PITPNB: variants seen among roughly 807,000 people sequenced by gnomAD.
PITPNB encodes the protein phosphatidylinositol transfer protein beta, also known as phosphatidylinositol transfer protein beta isoform.
PITPNB carries 16 observed loss-of-function variants against 45.9 expected under a neutral mutation model. The ratio of observed to expected loss-of-function variants is 0.35; its 90% CI spans 0.24 to 0.53. The LOEUF (loss-of-function observed/expected upper bound fraction) is 0.53, where lower values mean the gene tolerates loss of function less well. Among genes scored for constraint, PITPNB ranks in the 20% least tolerant of loss-of-function variants. PITPNB has a pLI of 0.93. For missense variants in PITPNB, 188 were observed against 330.5 expected (o/e 0.57, Z 3.34); for synonymous variants, 112 against 108.9 (o/e 1.03, Z -0.18).
chr22:27,863,478 T>C (rs1934397132), intron 8 of PITPNB, among the ~76,000 whole-genome samples: 1 of 152,206 alleles, frequency 6.6e-6, no homozygotes, highest in African/African-American at 2.4e-5. Flanking sequence ...TTCCCCTGCC[T>C]GTCACCCACC....
At chr22:27,905,745 G>C (rs1935737492) in intron 3 of PITPNB, among the ~76,000 whole-genome samples, 1 of 152,202 alleles carries the variant, frequency 6.6e-6, no homozygotes, top group African/African-American at 2.4e-5. Context: ...TGGCGAAAGT[G>C]TAACACTTAC....
intron 3 of PITPNB, among the ~76,000 whole-genome samples, chr22:27,905,520 A>C (rs1003623667): frequency 6.6e-6 from 1 of 152,186 alleles, no homozygotes; most frequent in Admixed American, 6.5e-5. Flanking sequence ...TTTCATTTTC[A>C]AGTGATTTAA....
chr22:27,855,409 G>C (rs973788763), intron 10 of PITPNB, among the ~76,000 whole-genome samples: 2 of 152,122 alleles, frequency 1.3e-5, no homozygotes, highest in Non-Finnish European at 2.9e-5. Flanking sequence ...GAAAAGGCAA[G>C]GAGGGAGAAT....
At chr22:27,865,125 T>C (rs71325264) in intron 8 of PITPNB, among the ~76,000 whole-genome samples, 5,230 of 152,288 alleles carry the variant, frequency 0.034, 135 homozygotes, top group South Asian at 0.052. Context: ...CTAATTTTTT[T>C]CTTTTGTGTA....
intron 8 of PITPNB, among the ~76,000 whole-genome samples, chr22:27,871,023 G>A (rs926204290): frequency 1.3e-5 from 2 of 152,106 alleles, no homozygotes; most frequent in Non-Finnish European, 2.9e-5. Flanking sequence ...CACCCTATCA[G>A]CCTAATAAGT....
intron 7 of PITPNB, among the ~76,000 whole-genome samples, chr22:27,881,729 A>C (rs1233278930): frequency 6.6e-6 from 1 of 152,146 alleles, no homozygotes; most frequent in African/African-American, 2.4e-5. Flanking sequence ...TCTAAAACAC[A>C]GGAGCTTCTT....
At chr22:27,899,423 C>T (rs1935529707) in intron 3 of PITPNB, among the ~76,000 whole-genome samples, 1 of 152,098 alleles carries the variant, frequency 6.6e-6, no homozygotes. Flanking sequence ...TTTGGGTTCA[C>T]GCCATTCTCC....
chr22:27,910,184 T>C (rs1379425815), intron 3 of PITPNB, among the ~76,000 whole-genome samples: 2 of 152,010 alleles, frequency 1.3e-5, no homozygotes, highest in Non-Finnish European at 2.9e-5. Context: ...TCTCTTGACC[T>C]CGTAATCTGC....
At chr22:27,905,820 G>T (rs1935741389) in intron 3 of PITPNB, among the ~76,000 whole-genome samples, 1 of 152,174 alleles carries the variant, frequency 6.6e-6, no homozygotes, top group South Asian at 2.1e-4. Flanking sequence ...TAGCAAAAAG[G>T]ACTGGTCAGT....
At chr22:27,888,265 CGATT>C (rs911676596) in intron 7 of PITPNB, among the ~76,000 whole-genome samples, 1 of 152,066 alleles carries the variant, frequency 6.6e-6, no homozygotes, top group Non-Finnish European at 1.5e-5. Context: ...AATCAGTTCC[CGATT>C]GATAAAGAAA....
rs751112024 is a variant in PITPNB, at chr22:27,919,225, C to G, written c.-34G>C. ...AACCCCCTCACAGCTGCCGCCGATA[C>G]CACCGCCGCCGCCGCCGCTACCGCC... On this transcript the variant is annotated 5_prime_UTR_variant, in exon 1 of 12. Coordinates refer to ENST00000335272, the MANE Select transcript of PITPNB (RefSeq NM_012399.5). 2 of 1,582,470 alleles carry G rather than the reference C, an allele frequency of 1.3e-6. No individual in the cohort carries two copies. The highest frequency in any genetic ancestry group is 3.3e-5 in the Admixed American group (2 of 59,972).
intron 5 of PITPNB, 178 bp from the exon 6 acceptor site, chr22:27,896,804 G>T: frequency 1.6e-6 from 1 of 610,480 alleles, no homozygotes. Flanking sequence ...CAAACCAAAT[G>T]CTACATGCTT....
At chr22:27,868,222 T>C (rs1934540677) in intron 8 of PITPNB, among the ~76,000 whole-genome samples, 1 of 152,180 alleles carries the variant, frequency 6.6e-6, no homozygotes, top group Non-Finnish European at 1.5e-5. Context: ...GTGTTTCTAC[T>C]AGGGCGGCTA....
Position 27,853,004 on chromosome 22 carries a change from T to A in PITPNB, c.*698A>T, listed in dbSNP as rs1251364446. 7 of 152,604 alleles carry A rather than the reference T, an allele frequency of 4.6e-5. No homozygotes were observed. Among genetic ancestry groups the A allele is most frequent in the Non-Finnish European group, 8.8e-5 (6 of 68,032 alleles). 9.5% of individuals were successfully genotyped at this position (152,604 alleles called of 1,614,324 possible). A position where few individuals can be genotyped will look rare whatever the true frequency, so the allele number is the denominator to read the frequency against. On this transcript the variant is annotated 3_prime_UTR_variant, in exon 12 of 12. Transcript: ENST00000335272. ...TCCCTCAGGGCAAACAAGTAAAAAC[T>A]GGCCTGTAACTTTGCTCCTTACTTT...
At chr22:27,867,736 A>AC (rs375764419) in intron 8 of PITPNB, among the ~76,000 whole-genome samples, 6 of 152,204 alleles carry the variant, frequency 3.9e-5, no homozygotes, top group African/African-American at 1.4e-4. Context: ...CAAGAAGCTC[A>AC]CACTGCCAAA....
At chr22:27,897,273 A>T (rs1935463011) in intron 4 of PITPNB, 136 bp from the exon 5 acceptor site, 2 of 738,706 alleles carry the variant, frequency 2.7e-6, no homozygotes, top group African/African-American at 1.7e-5. Flanking sequence ...TTAGTAATTT[A>T]TGTCTGCAAA....
In PITPNB at chr22:27,915,341, G is replaced by T. The variant is rs1366964756; in HGVS notation, c.21-994C>A. Among the ~76,000 whole-genome samples the T allele has an allele frequency of 4.6e-5, 7 of 151,830 alleles. No homozygotes were observed. The East Asian group carries it at 1.4e-3, about 29-fold the overall frequency. On this transcript the variant is annotated intron_variant, in intron 1 of 11. Transcript: ENST00000335272. ...AATTTCTTTTTCTTTTTTTCTTGCA[G>T]TAAGAGTCATTTAGCTTATTGTTTG...
In PITPNB at chr22:27,890,765, G is replaced by C. The variant is rs538925788; in HGVS notation, c.456+3790C>G. On this transcript the variant is annotated intron_variant, in intron 7 of 11. Coordinates refer to ENST00000335272, the MANE Select transcript of PITPNB (RefSeq NM_012399.5). ...GGAGGCGGAGCTTGCAGTGAGCCGA[G>C]ATCGCGCCACTGCACTCCAGCCTGG... Among the ~76,000 whole-genome samples, 4 of 152,332 alleles carry C rather than the reference G, an allele frequency of 2.6e-5. No individual in the cohort carries two copies. The South Asian group carries it at 8.3e-4, about 32-fold the overall frequency.
intron 7 of PITPNB, among the ~76,000 whole-genome samples, chr22:27,892,214 G>T (rs1246380624): frequency 6.6e-6 from 1 of 152,186 alleles, no homozygotes; most frequent in Non-Finnish European, 1.5e-5. Context: ...TCTCCTCTCT[G>T]AAGTCTGTGC....
Sources: gnomAD v4.1 joint callset for allele counts (sites outside exome capture counted in the v4.1 genomes callset) on GRCh38, gnomAD v4.1.1 for gene constraint, MANE v1.5 for transcripts, NCBI Gene and HGNC (gene_info 2026-07-23, HGNC 2026-07-21) for gene names.